WIPF1: variants seen among roughly 807,000 people sequenced by gnomAD.
WIPF1 encodes the protein WAS/WASL interacting protein family member 1.
A neutral mutation model predicts 35.4 loss-of-function variants in WIPF1; 13 were observed. The observed-to-expected ratio is 0.37, with a 90% CI of 0.24 to 0.58. The LOEUF is 0.58. WIPF1 is among the 20% of genes least tolerant of loss of function. The pLI, the probability that WIPF1 is intolerant of heterozygous loss-of-function variation, is 0.74. For missense variants in WIPF1, 591 were observed against 667.0 expected, an observed-to-expected ratio of 0.89 and a Z score of 1.25; for synonymous variants, 267 against 266.3, an observed-to-expected ratio of 1.00 and a Z score of -0.02.
At chr2:174,640,628 A>G in intron 1 of WIPF1, among the ~76,000 whole-genome samples, 1 of 151,778 alleles carries the variant, frequency 6.6e-6, no homozygotes, top group Non-Finnish European at 1.5e-5. Flanking sequence ...TATTATTATT[A>G]TACTTTAAGT....
Position 174,572,291 on chromosome 2 carries a change from G to T in WIPF1, c.514C>A (p.Pro172Thr). The change falls in exon 5 of 8, where the codon CCA becomes ACA. Residue 172 changes from proline to threonine, a missense_variant. By Grantham distance (38) the Pro-to-Thr change is conservative (BLOSUM62 -1). Around this residue, in one of 3 missense-constraint regions of WIPF1, gnomAD observed 471 missense variants for 501.1 expected, o/e 0.94. Coordinates refer to ENST00000679041, the MANE Select transcript of WIPF1 (RefSeq NM_001375834.1). ...PEPQRNRMPP[P>T]RPDVGSKPDS... ...GGCTTTGAGCCCACGTCGGGCCTTG[G>T]GGGCGGCATTCGGTTCCTCTGAGGC... The T allele has an allele frequency of 1.1e-5, 17 of 1,614,082 alleles. No individual in the cohort carries two copies. The highest frequency in any genetic ancestry group is 1.4e-5 in the Non-Finnish European group (17 of 1,179,982).
At chr2:174,651,082 G>A (rs984371168) in intron 1 of WIPF1, among the ~76,000 whole-genome samples, 1 of 152,240 alleles carries the variant, frequency 6.6e-6, no homozygotes, top group Non-Finnish European at 1.5e-5. Flanking sequence ...CCTGTGATCT[G>A]CAATGTCCTG....
chr2:174,654,502 C>T (rs889999206), intron 1 of WIPF1, among the ~76,000 whole-genome samples: 4 of 152,084 alleles, frequency 2.6e-5, no homozygotes, highest in Admixed American at 1.3e-4. Context: ...AATTTTTGAA[C>T]GCAAATGTAA....
chr2:174,591,687 C>A (rs1293984673), intron 1 of WIPF1, among the ~76,000 whole-genome samples: 2 of 151,836 alleles, frequency 1.3e-5, no homozygotes, highest in African/African-American at 2.4e-5. Context: ...CACACACACA[C>A]ACACACACAC....
intron 1 of WIPF1, among the ~76,000 whole-genome samples, chr2:174,620,907 G>A (rs1014136708): frequency 8.5e-5 from 13 of 152,322 alleles, no homozygotes; most frequent in African/African-American, 3.1e-4. Context: ...GGGCCCACTG[G>A]AGAAGGCTGC....
chr2:174,573,195 AAAC>A lies in WIPF1; in HGVS notation c.359-752_359-750del, dbSNP rs545423974. ...TAACTGCTCTGGTTCAACAAGGGAG[AAAC>A]TAAAGGGGGAACCAAAGAGATGGAA... is the stretch of plus-strand genomic sequence containing the variant. On this transcript the variant is annotated intron_variant, in intron 4 of 7. Transcript: ENST00000679041. 1.2e-4 allele frequency among the ~76,000 whole-genome samples: 19 copies of A among 152,124 alleles called. No individual in the cohort carries two copies. The East Asian group carries it at 3.5e-3, about 28-fold the overall frequency.
rs543878174 is a variant in WIPF1 at position 174,581,502 on chromosome 2, C to A, written c.52-63G>T. The A allele has an allele frequency of 3.2e-5, 51 of 1,576,962 alleles. 1 individual carries two copies. In the Middle Eastern group the frequency reaches 1.0e-3, roughly 31 times the overall value. The stretch of plus-strand genomic sequence containing the variant: ...GGTTAAAATCATGCATTGTAACACT[C>A]GGCTGGGAAAGGTTGGGTACGGGAA... On this transcript the variant is annotated intron_variant, in intron 2 of 7. Transcript: ENST00000679041.
intron 1 of WIPF1, among the ~76,000 whole-genome samples, chr2:174,607,428 G>C (rs1159079999): frequency 6.6e-6 from 1 of 151,962 alleles, no homozygotes; most frequent in African/African-American, 2.4e-5. Context: ...AAATAAAGAA[G>C]TCCCACCTCT....
chr2:174,614,927 C>A (rs978194572), intron 1 of WIPF1, among the ~76,000 whole-genome samples: 1 of 152,080 alleles, frequency 6.6e-6, no homozygotes, highest in Admixed American at 6.6e-5. Flanking sequence ...ATGAGAGTTT[C>A]TCAGAAGTTC....
chr2:174,583,038 G>A (rs1051322536), intron 2 of WIPF1, among the ~76,000 whole-genome samples: 6 of 152,144 alleles, frequency 3.9e-5, no homozygotes, highest in African/African-American at 1.4e-4. Context: ...GAGGAGCTGG[G>A]ATTCAAACCC....
At chr2:174,564,049 T>G (rs1013150331) in intron 7 of WIPF1, among the ~76,000 whole-genome samples, 1 of 152,110 alleles carries the variant, frequency 6.6e-6, no homozygotes, top group Non-Finnish European at 1.5e-5. Context: ...AAGTGGTTAG[T>G]AGAATGAGGG....
At chr2:174,651,751 A>C (rs1203424564) in intron 1 of WIPF1, among the ~76,000 whole-genome samples, 1 of 152,238 alleles carries the variant, frequency 6.6e-6, no homozygotes, top group Non-Finnish European at 1.5e-5. Flanking sequence ...AGGACCCCAA[A>C]ACTCAGCTAG....
In WIPF1 at chr2:174,562,381, C is replaced by A. The variant is rs1345418261; in HGVS notation, c.*166G>T. The stretch of plus-strand genomic sequence containing the variant: ...TAAACACAATATGAAAAGCTAGGTG[C>A]ATTTCTTACCGATTCCCACCCACAC... On this transcript the variant is annotated 3_prime_UTR_variant, in exon 8 of 8. Coordinates refer to ENST00000679041, the MANE Select transcript of WIPF1 (RefSeq NM_001375834.1). The A allele has an allele frequency of 6.7e-7, 1 of 1,489,214 alleles. No individual in the cohort carries two copies. The highest frequency in any genetic ancestry group is 2.4e-5 in the Admixed American group (1 of 42,458). 92.3% of individuals were successfully genotyped at this position (1,489,214 alleles called of 1,614,324 possible).
At chr2:174,605,467 T>A (rs2105889150) in intron 1 of WIPF1, among the ~76,000 whole-genome samples, 1 of 152,226 alleles carries the variant, frequency 6.6e-6, no homozygotes, top group Non-Finnish European at 1.5e-5. Flanking sequence ...AGGCAACGTG[T>A]AGATGTTACT....
chr2:174,648,469 T>C (rs1687463905), intron 1 of WIPF1, among the ~76,000 whole-genome samples: 1 of 152,230 alleles, frequency 6.6e-6, no homozygotes, highest in Non-Finnish European at 1.5e-5. Flanking sequence ...GAACATTTTG[T>C]GTAAACTGCC....
intron 1 of WIPF1, among the ~76,000 whole-genome samples, chr2:174,637,338 T>A (rs141869427): frequency 6.9e-4 from 105 of 152,342 alleles, no homozygotes; most frequent in African/African-American, 2.5e-3. Context: ...TGATTTTGGT[T>A]TCTTTTTTTG....
At chr2:174,617,324 G>T (rs572210845) in intron 1 of WIPF1, among the ~76,000 whole-genome samples, 142 of 152,212 alleles carry the variant, frequency 9.3e-4, no homozygotes, top group African/African-American at 3.3e-3. Context: ...GAGCAATAAG[G>T]GTTAGAATAC....
At position 174,570,972 on chromosome 2, in the gene WIPF1, T is replaced by A. The variant is rs77445351; in HGVS notation, c.1129+704A>T. 9.5e-3 allele frequency among the ~76,000 whole-genome samples: 1,452 copies of A among 152,294 alleles called. 24 individuals are homozygous for A. Among genetic ancestry groups the A allele is most frequent in the African/African-American group, 0.034 (1,394 of 41,560 alleles). The stretch of plus-strand genomic sequence containing the variant: ...CACATTTCCTTTCATACTCTGAAAG[T>A]TTGTCCCTCAGATCAAGGTTTCTCA... On this transcript the variant is annotated intron_variant, in intron 5 of 7. Coordinates refer to ENST00000679041, the MANE Select transcript of WIPF1 (RefSeq NM_001375834.1).
chr2:174,662,624 G>T (rs1470362011), intron 1 of WIPF1, among the ~76,000 whole-genome samples: 1 of 152,172 alleles, frequency 6.6e-6, no homozygotes, highest in Non-Finnish European at 1.5e-5. Flanking sequence ...CTATCTTCAT[G>T]TCATGTTTGA....
Sources: gnomAD v4.1 joint callset for allele counts (sites outside exome capture counted in the v4.1 genomes callset) on GRCh38, gnomAD v4.1.1 for gene constraint, gnomAD v4.1.1 regional missense constraint, MANE v1.5 for transcripts, NCBI Gene and HGNC (gene_info 2026-07-23, HGNC 2026-07-21) for gene names.